The following TOMM34 variants were observed in gnomAD, a reference collection of about 807,000 sequenced individuals.
The protein encoded by TOMM34 is mitochondrial import receptor subunit TOM34.
TOMM34 carries 24 observed loss-of-function variants against 37.4 expected under a neutral mutation model. The observed-to-expected ratio is 0.64, with a 90% CI of 0.46 to 0.90. The LOEUF (loss-of-function observed/expected upper bound fraction) is 0.90, where lower values mean the gene tolerates loss of function less well. Ranked by LOEUF, TOMM34 falls within the 40% of genes least tolerant of loss-of-function variation. TOMM34 has a pLI of 0.00. For missense variants in TOMM34, 304 were observed against 375.6 expected, an observed-to-expected ratio of 0.81 and a Z score of 1.58; for synonymous variants, 154 against 148.9, an observed-to-expected ratio of 1.03 and a Z score of -0.25.
chr20:44,959,607 T>C (rs1163098273), intron 1 of TOMM34, among the ~76,000 whole-genome samples: 55 of 152,078 alleles, frequency 3.6e-4, no homozygotes, highest in Admixed American at 3.6e-3. Flanking sequence ...ACCATGTTTA[T>C]ATCGTCTTGG....
intron 1 of TOMM34, among the ~76,000 whole-genome samples, chr20:44,956,727 G>A (rs959518359): frequency 1.3e-5 from 2 of 152,180 alleles, no homozygotes; most frequent in African/African-American, 2.4e-5. Context: ...TTCCAGCACT[G>A]AACTTGATAA....
chr20:44,951,311 T>G (rs1276396684), intron 4 of TOMM34, among the ~76,000 whole-genome samples: 1 of 152,160 alleles, frequency 6.6e-6, no homozygotes, highest in African/African-American at 2.4e-5. Context: ...ATTTTGCTAC[T>G]AGGAGGGAAG....
At chr20:44,952,465 T>C (rs1203831330) in intron 3 of TOMM34, among the ~76,000 whole-genome samples, 1 of 152,208 alleles carries the variant, frequency 6.6e-6, no homozygotes, top group Non-Finnish European at 1.5e-5. Context: ...TAGGCTAATG[T>C]GGCATGTGAG....
At chr20:44,950,423 T>C (rs1472829671) in intron 4 of TOMM34, among the ~76,000 whole-genome samples, 1 of 152,192 alleles carries the variant, frequency 6.6e-6, no homozygotes, top group South Asian at 2.1e-4. Context: ...CTCCTTGTGT[T>C]TTAAGACACT....
At chr20:44,952,055 T>C in intron 3 of TOMM34, 53 bp from the exon 4 acceptor site, 32 of 1,564,410 alleles carry the variant, frequency 2.0e-5, no homozygotes, top group Non-Finnish European at 2.6e-5. Flanking sequence ...CAAGAAGATA[T>C]TTCTCCTTTC....
Position 44,943,101 on chromosome 20 carries a change from T to C in TOMM34, c.*8A>G. The C allele has an allele frequency of 1.2e-6, 2 of 1,613,836 alleles. No individual in the cohort carries two copies. The highest frequency in any genetic ancestry group is 1.7e-6 in the Non-Finnish European group (2 of 1,179,866). The stretch of plus-strand genomic sequence containing the variant: ...TCAGGCAGGGGTTCCAGTTGCCCTG[T>C]TGGGTTTTTAGTGTAGGTTCTGCTT... On this transcript the variant is annotated 3_prime_UTR_variant, in exon 7 of 7. Transcript: ENST00000372813.
chr20:44,943,645 A>C, intron 5 of TOMM34, 66 bp from the exon 6 acceptor site: 1 of 1,603,368 alleles, frequency 6.2e-7, no homozygotes, highest in Non-Finnish European at 8.5e-7. Flanking sequence ...GCCACGCAGT[A>C]GTTTGAGAAG....
At chr20:44,951,415 G>A (rs2067025026) in intron 4 of TOMM34, among the ~76,000 whole-genome samples, 1 of 152,176 alleles carries the variant, frequency 6.6e-6, no homozygotes, top group Admixed American at 6.5e-5. Flanking sequence ...AGCTGCTGGA[G>A]CAAACCTTGC....
At chr20:44,951,039 C>G (rs2067021759) in intron 4 of TOMM34, among the ~76,000 whole-genome samples, 1 of 152,188 alleles carries the variant, frequency 6.6e-6, no homozygotes, top group Admixed American at 6.5e-5. Flanking sequence ...AAGCATCACC[C>G]TCTAGTTCTG....
chr20:44,951,844 G>A lies in TOMM34; in HGVS notation c.539C>T (p.Thr180Ile). ...AKSKSKETTATKNRVPSAGDV... is the reference protein window; with the variant it reads ...AKSKSKETTAIKNRVPSAGDV... The stretch of plus-strand genomic sequence containing the variant: ...GAGTCACAGCTCACCTCTGTTCTTT[G>A]TAGCTGTGGTTTCTTTGGATTTGCT... The change falls in exon 4 of 7, where the codon ACA (threonine) becomes ATA (isoleucine). Residue 180 changes from threonine (T) to isoleucine (I), a missense_variant. Physicochemically the swap from Thr to Ile is moderately conservative, Grantham distance 89 (BLOSUM62 -1). Coordinates refer to ENST00000372813, the MANE Select transcript of TOMM34 (RefSeq NM_006809.5). 1 of 1,613,854 alleles carries A rather than the reference G, an allele frequency of 6.2e-7. No individual in the cohort carries two copies. Among genetic ancestry groups the A allele is most frequent in the Non-Finnish European group, 8.5e-7 (1 of 1,179,830 alleles).
chr20:44,954,642 C>G (rs1680668430), intron 3 of TOMM34, among the ~76,000 whole-genome samples: 1 of 152,184 alleles, frequency 6.6e-6, no homozygotes, highest in Non-Finnish European at 1.5e-5. Context: ...GTGCAATATA[C>G]TGAACCATGT....
rs765513123 is a variant in TOMM34 at position 44,960,197 on chromosome 20, G to C, written c.127+10C>G. On this transcript the variant is annotated intron_variant, in intron 1 of 6. Transcript: ENST00000372813. ...CAGGCCCGGAGGTGAGATGGGGGCC[G>C]GGGTCGTACCTTGCGCCTGCAGCAC... 7 of 1,554,506 alleles carry C rather than the reference G, an allele frequency of 4.5e-6. No homozygotes were observed. The African/African-American group carries it at 8.3e-5, about 18-fold the overall frequency.
At chr20:44,960,084 G>A in intron 1 of TOMM34, 123 bp downstream of exon 1, 1 of 1,397,618 alleles carries the variant, frequency 7.2e-7, no homozygotes, top group Non-Finnish European at 9.3e-7. Flanking sequence ...GGATGCCGGA[G>A]TCGGAAGGGG....
rs376528996 is a variant in TOMM34, at chr20:44,943,596, T to C, written c.699-17A>G. On this transcript the variant is annotated splice_polypyrimidine_tract_variant and intron_variant, in intron 5 of 6. Coordinates refer to ENST00000372813, the MANE Select transcript of TOMM34 (RefSeq NM_006809.5). ...CAGAGTGCTCTGAAGGGAAAGACCA[T>C]TTCAGAGGTTTCAGTCACGTCTTAT... 6.8e-6 allele frequency: 11 copies of C among 1,613,744 alleles called. No homozygotes were observed. The African/African-American group carries it at 1.5e-4, about 22-fold the overall frequency.
chr20:44,955,400 G>A, intron 2 of TOMM34, 180 bp from the exon 3 acceptor site: 2 of 727,016 alleles, frequency 2.8e-6, no homozygotes, highest in South Asian at 3.3e-5. Flanking sequence ...ACTGAAGTGA[G>A]GAGGAGAAAG....
At chr20:44,948,967 G>T in intron 4 of TOMM34, 90 bp from the exon 5 acceptor site, 2 of 1,474,678 alleles carry the variant, frequency 1.4e-6, no homozygotes, top group Non-Finnish European at 1.8e-6. Flanking sequence ...CTTCCAAACT[G>T]ACTACAATCC....
At chr20:44,952,043 G>T (rs1416516495) in intron 3 of TOMM34, 41 bp from the exon 4 acceptor site, 2 of 1,578,460 alleles carry the variant, frequency 1.3e-6, no homozygotes, top group South Asian at 1.2e-5. Flanking sequence ...TTCCAGCTGG[G>T]TCAAGAAGAT....
chr20:44,949,459 C>T (rs894613313), intron 4 of TOMM34, among the ~76,000 whole-genome samples: 2 of 152,134 alleles, frequency 1.3e-5, no homozygotes, highest in African/African-American at 2.4e-5. Context: ...TGAGTATCCT[C>T]CCTCATCTAA....
Position 44,955,052 on chromosome 20 carries a change from TG to T in TOMM34, c.380+15del, listed in dbSNP as rs769290977. 6.2e-7 allele frequency: 1 copy of T among 1,613,452 alleles called. No individual in the cohort carries two copies. The highest frequency in any genetic ancestry group is 8.5e-7 in the Non-Finnish European group (1 of 1,179,518). ...GGGAGTTGCCGTGGAGACCACCTGC[TG>T]GGAATGGAGCTCACCTGTTGATGCC... On this transcript the variant is annotated intron_variant, in intron 3 of 6. Coordinates refer to ENST00000372813, the MANE Select transcript of TOMM34 (RefSeq NM_006809.5).
Sources: gnomAD v4.1 joint callset for allele counts (sites outside exome capture counted in the v4.1 genomes callset) on GRCh38, gnomAD v4.1.1 for gene constraint, MANE v1.5 for transcripts, NCBI Gene and HGNC (gene_info 2026-07-23, HGNC 2026-07-21) for gene names.